The following PDE3A variants were observed in gnomAD, a reference collection of about 807,000 sequenced individuals.
PDE3A encodes the protein phosphodiesterase 3A, also known as cGMP-inhibited 3',5'-cyclic phosphodiesterase 3A.
PDE3A carries 43 observed loss-of-function variants against 98.3 expected under a neutral mutation model. The observed-to-expected ratio is 0.44, with a 90% CI of 0.34 to 0.56. The LOEUF (loss-of-function observed/expected upper bound fraction) is 0.56. Among genes scored for constraint, PDE3A ranks in the 20% least tolerant of loss-of-function variants. The probability of loss-of-function intolerance (pLI) is 0.01; values close to 1 mark genes in which losing one functional copy is unlikely to be tolerated. For synonymous variants in PDE3A, 663 were observed against 567.9 expected, an observed-to-expected ratio of 1.17 and a Z score of -2.38; for missense variants, 1,427 against 1,440.7, an observed-to-expected ratio of 0.99 and a Z score of 0.15.
chr12:20,578,277 A>G (rs1032351978), intron 2 of PDE3A, among the ~76,000 whole-genome samples: 2 of 152,072 alleles, frequency 1.3e-5, no homozygotes, highest in Admixed American at 1.3e-4. Flanking sequence ...AACAGACCCC[A>G]GTTCTCAAAA....
intron 1 of PDE3A, among the ~76,000 whole-genome samples, chr12:20,535,637 T>C (rs1448045160): frequency 6.6e-6 from 1 of 152,264 alleles, no homozygotes; most frequent in Admixed American, 6.5e-5. Context: ...AAAAAATGTT[T>C]TGTGTGCTTA....
At chr12:20,404,664 A>G (rs949156617) in intron 1 of PDE3A, among the ~76,000 whole-genome samples, 7 of 152,130 alleles carry the variant, frequency 4.6e-5, no homozygotes, top group Admixed American at 3.9e-4. Flanking sequence ...ATATTTCTCT[A>G]ATGGAAATAG....
At chr12:20,590,829 C>A (rs772706818) in intron 2 of PDE3A, among the ~76,000 whole-genome samples, 1 of 152,120 alleles carries the variant, frequency 6.6e-6, no homozygotes, top group Admixed American at 6.6e-5. Context: ...GGGCCTAAAT[C>A]CCAAGAGCAT....
chr12:20,544,087 G>T (rs1263580130), intron 1 of PDE3A, among the ~76,000 whole-genome samples: 1 of 151,476 alleles, frequency 6.6e-6, no homozygotes, highest in Non-Finnish European at 1.5e-5. Context: ...GGTACTTCAA[G>T]ACTCCTGTGG....
chr12:20,368,542 T>A lies in PDE3A; in HGVS notation c.-743T>A, dbSNP rs1211452899. 6.6e-6 allele frequency among the ~76,000 whole-genome samples: 1 copy of A among 151,620 alleles called. No homozygotes were observed. The highest frequency in any genetic ancestry group is 2.4e-5 in the African/African-American group (1 of 41,296). ...CCCTCCCTTCTGCGGCTGCCGCTAG[T>A]CTCTCGGTCTGGCTCTCTCTCCGAC... On this transcript the variant is annotated 5_prime_UTR_variant, in exon 1 of 16. Transcript: ENST00000359062.
In PDE3A at chr12:20,391,798, G is replaced by C. The variant is rs561859146; in HGVS notation, c.960+21554G>C. On this transcript the variant is annotated intron_variant, in intron 1 of 15. Coordinates refer to ENST00000359062, the MANE Select transcript of PDE3A (RefSeq NM_000921.5). ...CCCCTTTTCCCCTCCTCTCTGTTTA[G>C]ATATGGTCTTTTGAAATTGAGGAGT... 2.0e-5 allele frequency among the ~76,000 whole-genome samples: 3 copies of C among 151,882 alleles called. No individual in the cohort carries two copies. The South Asian group carries it at 6.2e-4, about 32-fold the overall frequency.
chr12:20,679,489 C>T (rs981627525), intron 15 of PDE3A, among the ~76,000 whole-genome samples: 15 of 152,150 alleles, frequency 9.9e-5, no homozygotes, highest in Non-Finnish European at 2.1e-4. Context: ...GCTCGTGATT[C>T]GCCCGCCTTG....
At chr12:20,564,635 G>A (rs1403989641) in intron 2 of PDE3A, among the ~76,000 whole-genome samples, 2 of 152,034 alleles carry the variant, frequency 1.3e-5, no homozygotes, top group South Asian at 2.1e-4. Flanking sequence ...TCTGTTTCAG[G>A]GAAACTGATG....
intron 1 of PDE3A, among the ~76,000 whole-genome samples, chr12:20,474,961 C>A (rs554456437): frequency 1.3e-5 from 2 of 151,462 alleles, no homozygotes; most frequent in African/African-American, 4.8e-5. Context: ...ATAAATTTAT[C>A]TTTTTTTTTA....
intron 15 of PDE3A, among the ~76,000 whole-genome samples, chr12:20,660,458 C>T (rs1945140260): frequency 6.7e-6 from 1 of 150,012 alleles, no homozygotes. Context: ...CAGAAGAAGA[C>T]AGGAAAATGA....
At chr12:20,674,202 T>C (rs892868461) in intron 15 of PDE3A, among the ~76,000 whole-genome samples, 27 of 152,300 alleles carry the variant, frequency 1.8e-4, no homozygotes, top group African/African-American at 6.5e-4. Context: ...ATTTATCAGA[T>C]CTAAGAGTTT....
At chr12:20,580,355 T>G (rs569220820) in intron 2 of PDE3A, among the ~76,000 whole-genome samples, 2 of 152,300 alleles carry the variant, frequency 1.3e-5, no homozygotes, top group African/African-American at 4.8e-5. Flanking sequence ...GAAGACATTT[T>G]AATGGTCTAC....
intron 2 of PDE3A, among the ~76,000 whole-genome samples, chr12:20,559,794 A>G (rs1476550948): frequency 6.6e-6 from 1 of 152,154 alleles, no homozygotes; most frequent in Non-Finnish European, 1.5e-5. Flanking sequence ...GGCTTTAAGG[A>G]TGGGTAAGCT....
intron 10 of PDE3A, among the ~76,000 whole-genome samples, chr12:20,643,821 GT>G (rs1479849617): frequency 6.6e-6 from 1 of 151,588 alleles, no homozygotes; most frequent in South Asian, 2.1e-4. Flanking sequence ...TTTGTTTTTT[GT>G]TTTTTTGTTT....
intron 1 of PDE3A, among the ~76,000 whole-genome samples, chr12:20,404,889 A>G (rs1944205033): frequency 9.0e-6 from 1 of 111,588 alleles, no homozygotes; most frequent in Non-Finnish European, 1.7e-5. Flanking sequence ...CAAAATATGT[A>G]TTTATCTACT....
At chr12:20,632,362 A>T (rs1156401887) in intron 6 of PDE3A, among the ~76,000 whole-genome samples, 1 of 152,224 alleles carries the variant, frequency 6.6e-6, no homozygotes, top group East Asian at 1.9e-4. Context: ...CAGGAAAAAA[A>T]ATGATGAGTT....
At chr12:20,466,206 C>A (rs1423995967) in intron 1 of PDE3A, among the ~76,000 whole-genome samples, 1 of 152,180 alleles carries the variant, frequency 6.6e-6, no homozygotes, top group Non-Finnish European at 1.5e-5. Flanking sequence ...GACAGCCAGA[C>A]TCTTGGAAGA....
intron 2 of PDE3A, among the ~76,000 whole-genome samples, chr12:20,604,759 G>A (rs1202297717): frequency 6.6e-6 from 1 of 152,120 alleles, no homozygotes; most frequent in African/African-American, 2.4e-5. Flanking sequence ...TTAATACATA[G>A]AGTATGCAGG....
chr12:20,622,493 T>C (rs1032570846), intron 5 of PDE3A, among the ~76,000 whole-genome samples: 2 of 152,154 alleles, frequency 1.3e-5, no homozygotes, highest in Non-Finnish European at 1.5e-5. Context: ...ATTAAGGTAA[T>C]CTACTTTTCC....
Sources: gnomAD v4.1 joint callset for allele counts (sites outside exome capture counted in the v4.1 genomes callset) on GRCh38, gnomAD v4.1.1 for gene constraint, MANE v1.5 for transcripts, NCBI Gene and HGNC (gene_info 2026-07-23, HGNC 2026-07-21) for gene names.